GRID1: variants seen among roughly 807,000 people sequenced by gnomAD.
GRID1 encodes the protein glutamate ionotropic receptor delta type subunit 1.
In GRID1, 28 loss-of-function variants were observed where a neutral mutation model predicts 98.0. The ratio of observed to expected loss-of-function variants is 0.29; its 90% CI spans 0.21 to 0.39. The LOEUF (loss-of-function observed/expected upper bound fraction) is 0.39, where lower values mean the gene tolerates loss of function less well. Ranked by LOEUF, GRID1 falls within the 10% of genes least tolerant of loss-of-function variation. GRID1 has a pLI of 1.00. For synonymous variants in GRID1, 553 were observed against 538.5 expected (o/e 1.03, Z -0.37); for missense variants, 1,111 against 1,340.5 (o/e 0.83, Z 2.67).
At chr10:86,364,449 G>T (rs115393734) in intron 1 of GRID1, among the ~76,000 whole-genome samples, 1,623 of 152,282 alleles carry the variant, frequency 0.011, 31 homozygotes, top group African/African-American at 0.036. Flanking sequence ...CCCAGGCAGC[G>T]CCCAAATGCC....
intron 3 of GRID1, among the ~76,000 whole-genome samples, chr10:86,142,076 C>T (rs557427281): frequency 6.6e-6 from 1 of 152,332 alleles, no homozygotes; most frequent in South Asian, 2.1e-4. Flanking sequence ...ACCATGCCAC[C>T]ACCATGAGAA....
At chr10:86,000,988 C>A (rs955027239) in intron 4 of GRID1, among the ~76,000 whole-genome samples, 2 of 152,108 alleles carry the variant, frequency 1.3e-5, no homozygotes, top group Non-Finnish European at 2.9e-5. Context: ...CTATGATACA[C>A]CAATGAAATA....
chr10:86,080,399 A>AGGGAAGGG (rs1564668622), intron 4 of GRID1, among the ~76,000 whole-genome samples: 7 of 25,098 alleles, frequency 2.8e-4, no homozygotes, highest in African/African-American at 9.0e-4. Flanking sequence ...AAGGGAAGGG[A>AGGGAAGGG]AGGGAAGGGA....
intron 15 of GRID1, among the ~76,000 whole-genome samples, chr10:85,603,826 C>T (rs1842617277): frequency 6.6e-6 from 1 of 152,190 alleles, no homozygotes; most frequent in East Asian, 1.9e-4. Context: ...GCTCCCAGGC[C>T]ACCCTGCAGG....
chr10:85,607,851 T>C (rs1360959986), intron 15 of GRID1, among the ~76,000 whole-genome samples: 1 of 149,194 alleles, frequency 6.7e-6, no homozygotes, highest in African/African-American at 2.5e-5. Flanking sequence ...AGGGTCTCCC[T>C]CTGTCACCCA....
In GRID1 at chr10:86,299,323, C is replaced by A. The variant is rs1847646286; in HGVS notation, c.235+64618G>T. On this transcript the variant is annotated intron_variant, in intron 2 of 15. Coordinates refer to ENST00000327946, the MANE Select transcript of GRID1 (RefSeq NM_017551.3). ...TGGCCTCTGGTAACCATGTCCTGTT[C>A]TCTATTTCTTTTTTTTTTTTATCAT... Among the ~76,000 whole-genome samples, 3 of 89,314 alleles carry A rather than the reference C, an allele frequency of 3.4e-5. No individual in the cohort carries two copies. The Admixed American group carries it at 4.5e-4, about 13-fold the overall frequency. The allele number at this position is 89,314 out of a possible 152,430, so 58.6% of individuals were successfully genotyped here.
At chr10:85,933,866 A>G (rs1040806082) in intron 4 of GRID1, among the ~76,000 whole-genome samples, 1 of 152,204 alleles carries the variant, frequency 6.6e-6, no homozygotes, top group African/African-American at 2.4e-5. Context: ...GAGATTTATA[A>G]TAGTCTGCTC....
chr10:86,241,223 G>A (rs1236403653), intron 2 of GRID1, among the ~76,000 whole-genome samples: 1 of 152,194 alleles, frequency 6.6e-6, no homozygotes, highest in African/African-American at 2.4e-5. Flanking sequence ...AGTCCACCAT[G>A]CCCTGGCCCC....
At chr10:85,656,613 C>T (rs561543263) in intron 12 of GRID1, among the ~76,000 whole-genome samples, 1 of 152,316 alleles carries the variant, frequency 6.6e-6, no homozygotes, top group South Asian at 2.1e-4. Context: ...TGCTCTTCCT[C>T]TAGTTCTCCC....
intron 6 of GRID1, among the ~76,000 whole-genome samples, chr10:85,859,189 C>T (rs1049867956): frequency 1.3e-5 from 2 of 152,224 alleles, no homozygotes; most frequent in Non-Finnish European, 2.9e-5. Flanking sequence ...TCTTTAAGTA[C>T]TATCTCTAGA....
chr10:85,796,588 A>G (rs1037513525), intron 8 of GRID1, among the ~76,000 whole-genome samples: 107 of 152,258 alleles, frequency 7.0e-4, no homozygotes, highest in African/African-American at 2.5e-3. Context: ...CAGCGTGAAT[A>G]TATAATCTAG....
intron 12 of GRID1, among the ~76,000 whole-genome samples, chr10:85,711,879 A>G (rs535431942): frequency 6.6e-6 from 1 of 151,902 alleles, no homozygotes; most frequent in South Asian, 2.1e-4. Context: ...ACAGAACTAT[A>G]TAAGAGCATA....
intron 4 of GRID1, among the ~76,000 whole-genome samples, chr10:86,064,075 T>C (rs890014749): frequency 6.6e-6 from 1 of 152,248 alleles, no homozygotes; most frequent in Non-Finnish European, 1.5e-5. Flanking sequence ...GTTCGTTTTT[T>C]TTCCTTTATG....
intron 3 of GRID1, among the ~76,000 whole-genome samples, chr10:86,182,906 G>A (rs889978129): frequency 5.3e-5 from 8 of 152,164 alleles, no homozygotes; most frequent in Admixed American, 2.0e-4. Context: ...CTTTGGCATG[G>A]ACAAAGAACC....
chr10:86,333,063 TG>T (rs1848171290), intron 2 of GRID1, among the ~76,000 whole-genome samples: 1 of 152,202 alleles, frequency 6.6e-6, no homozygotes, highest in African/African-American at 2.4e-5. Flanking sequence ...CTCCTGCTCC[TG>T]GGAGACCCAC....
chr10:85,860,733 C>T (rs1843156445), intron 6 of GRID1, among the ~76,000 whole-genome samples: 1 of 152,224 alleles, frequency 6.6e-6, no homozygotes, highest in African/African-American at 2.4e-5. Flanking sequence ...CAGGTCTCCA[C>T]AGTAGTGCGT....
chr10:86,168,110 C>T (rs1197964309), intron 3 of GRID1, among the ~76,000 whole-genome samples: 2 of 152,136 alleles, frequency 1.3e-5, no homozygotes, highest in South Asian at 4.2e-4. Flanking sequence ...CTGGACTCCA[C>T]CAGAGGCACT....
chr10:86,332,753 A>G (rs192744332), intron 2 of GRID1, among the ~76,000 whole-genome samples: 1 of 149,292 alleles, frequency 6.7e-6, no homozygotes, highest in Non-Finnish European at 1.5e-5. Flanking sequence ...GTCTACACCG[A>G]CCTCACATCT....
intron 2 of GRID1, among the ~76,000 whole-genome samples, chr10:86,290,043 C>T (rs1847491091): frequency 6.6e-6 from 1 of 152,212 alleles, no homozygotes; most frequent in Non-Finnish European, 1.5e-5. Context: ...CTAGATCCAG[C>T]CATGCCTGAA....
Sources: gnomAD v4.1 joint callset for allele counts (sites outside exome capture counted in the v4.1 genomes callset) on GRCh38, gnomAD v4.1.1 for gene constraint, MANE v1.5 for transcripts, NCBI Gene and HGNC (gene_info 2026-07-23, HGNC 2026-07-21) for gene names.